The following OPRL1 variants were observed in gnomAD, a reference collection of about 807,000 sequenced individuals.
The protein encoded by OPRL1 is nociceptin receptor.
OPRL1 carries 5 observed loss-of-function variants against 15.5 expected under a neutral mutation model. The ratio of observed to expected loss-of-function variants is 0.32; its 90% CI spans 0.17 to 0.68. OPRL1 has a LOEUF of 0.68. Ranked by LOEUF, OPRL1 falls within the 30% of genes least tolerant of loss-of-function variation. The pLI is 0.72. For synonymous variants in OPRL1, 223 were observed against 230.2 expected (o/e 0.97, Z 0.28); for missense variants, 406 against 515.3 (o/e 0.79, Z 2.05).
intron 1 of OPRL1, among the ~76,000 whole-genome samples, chr20:64,087,139 CTT>C (rs1223845509): frequency 6.6e-6 from 1 of 151,024 alleles, no homozygotes. Context: ...TCGTTCGTGT[CTT>C]GGGCTATCCC....
rs530159477 is a variant in OPRL1 at position 64,098,299 on chromosome 20, C to G, written c.613C>G (p.Pro205Ala). Residue 205 changes from proline (P) to alanine (A), a missense_variant, in exon 5 of 5, where the codon CCT becomes GCT. Pro to Ala is a conservative substitution (Grantham distance 27). Transcript: ENST00000336866. ...DEEIECLVEI[P>A]TPQDYWGPVF... ...AGAGATCGAGTGCCTGGTGGAGATC[C>G]CTACCCCTCAGGATTACTGGGGCCC... 1 of 1,613,792 alleles carries G rather than the reference C, an allele frequency of 6.2e-7. No homozygotes were observed. The highest frequency in any genetic ancestry group is 1.7e-5 in the Admixed American group (1 of 60,004).
At position 64,098,876 on chromosome 20, in the gene OPRL1, C is replaced by T; in HGVS notation, c.*77C>T. 1 of 1,494,656 alleles carries T rather than the reference C, an allele frequency of 6.7e-7. No individual in the cohort carries two copies. The highest frequency in any genetic ancestry group is 2.1e-5 in the Admixed American group (1 of 46,944). The allele number at this position is 1,494,656 out of a possible 1,614,324, so 92.6% of individuals were successfully genotyped here. ...CCCAACACAGAGCTCACACAGGTCACTGCTCTCTAGGCGGACACACCCTGG... is the reference window on the plus strand; with the variant it reads ...CCCAACACAGAGCTCACACAGGTCATTGCTCTCTAGGCGGACACACCCTGG... On this transcript the variant is annotated 3_prime_UTR_variant, in exon 5 of 5. Coordinates refer to ENST00000336866, the MANE Select transcript of OPRL1 (RefSeq NM_182647.4).
chr20:64,098,587 C>T lies in OPRL1; in HGVS notation c.901C>T (p.Leu301=). The T allele has an allele frequency of 6.2e-7, 1 of 1,612,872 alleles. No individual in the cohort carries two copies. The highest frequency in any genetic ancestry group is 2.2e-5 in the East Asian group (1 of 44,880). ...GAGCAGCGAGACTGCCGTGGCCATT[C>T]TGCGCTTCTGCACGGCCCTGGGCTA... is the stretch of plus-strand genomic sequence containing the variant. The part of the protein sequence containing the change: ...QPSSETAVAI[L]RFCTALGYVN... The change falls in exon 5 of 5, where the codon CTG becomes TTG. Residue 301 remains leucine, a synonymous_variant. Transcript: ENST00000336866.
rs1307705954 is a variant in OPRL1, at chr20:64,097,651, G to A, written c.234-151G>A. The A allele has an allele frequency of 8.5e-6, 6 of 703,390 alleles. No individual in the cohort carries two copies. Among genetic ancestry groups the A allele is most frequent in the Admixed American group, 7.5e-5 (3 of 40,070 alleles). 43.6% of individuals were successfully genotyped at this position (703,390 alleles called of 1,614,324 possible). On this transcript the variant is annotated intron_variant, in intron 3 of 4. Transcript: ENST00000336866. The surrounding 1 kb of genome is among the most constrained non-coding windows in gnomAD (Gnocchi z 4.2). ...CATGAGTCTCAGGTTGGGTCCAGGA[G>A]CTATCACTTACCAAGCCCCCATGGG...
At chr20:64,088,653 G>A (rs111663135) in intron 1 of OPRL1, among the ~76,000 whole-genome samples, 1 of 140,396 alleles carries the variant, frequency 7.1e-6, no homozygotes, top group African/African-American at 2.6e-5. Flanking sequence ...GATCTGTGCA[G>A]GGAGGCCAGG....
Position 64,099,173 on chromosome 20 carries a change from T to C in OPRL1, c.*374T>C. ...GACTCTTGGCCTCTCTGCTGCTGCG[T>C]TGGCAGAACCCTGGGTGGGCAGGCA... On this transcript the variant is annotated 3_prime_UTR_variant, in exon 5 of 5. Coordinates refer to ENST00000336866, the MANE Select transcript of OPRL1 (RefSeq NM_182647.4). 1 of 288,304 alleles carries C rather than the reference T, an allele frequency of 3.5e-6. No homozygotes were observed. Among genetic ancestry groups the C allele is most frequent in the Non-Finnish European group, 6.5e-6 (1 of 153,602 alleles). 17.9% of individuals were successfully genotyped at this position (288,304 alleles called of 1,614,324 possible).
chr20:64,098,465 G>A lies in OPRL1; in HGVS notation c.779G>A (p.Arg260His), dbSNP rs763764829. 53 of 1,613,214 alleles carry A rather than the reference G, an allele frequency of 3.3e-5. No individual in the cohort carries two copies. Among genetic ancestry groups the A allele is most frequent in the Admixed American group, 5.0e-5 (3 of 60,012 alleles). ...GSREKDRNLR[R>H]ITRLVLVVVA... is the part of the protein sequence containing the mutation. ...CGAGAGAAGGACCGGAACCTGCGGC[G>A]CATCACTCGGCTGGTGCTGGTGGTA... The change falls in exon 5 of 5, where the codon CGC (arginine) becomes CAC (histidine). Residue 260 changes from arginine to histidine, a missense_variant. Physicochemically the swap from Arg to His is conservative, Grantham distance 29. Transcript: ENST00000336866.
At chr20:64,080,865 C>A (rs974815392) in intron 1 of OPRL1, among the ~76,000 whole-genome samples, 2 of 152,210 alleles carry the variant, frequency 1.3e-5, no homozygotes, top group African/African-American at 4.8e-5. Flanking sequence ...TCCAGTTGCA[C>A]AGGTCAGGTG....
chr20:64,085,513 C>G (rs1307775633), intron 1 of OPRL1, among the ~76,000 whole-genome samples: 3 of 152,194 alleles, frequency 2.0e-5, no homozygotes, highest in Admixed American at 6.5e-5. Flanking sequence ...TGTTTTGTAA[C>G]TAATTCTCAA....
Position 64,093,067 on chromosome 20 carries a change from C to T in OPRL1, c.233+114C>T. The stretch of plus-strand genomic sequence containing the variant: ...AGCAGGTGTTGATTTCCTGCTTCCC[C>T]CATTCAATGTTTTTGACCCTGTCCA... On this transcript the variant is annotated intron_variant, in intron 3 of 4. Transcript: ENST00000336866. 3.2e-6 allele frequency: 3 copies of T among 930,810 alleles called. No individual in the cohort carries two copies. In the South Asian group the frequency reaches 5.0e-5, roughly 15 times the overall value. The allele number at this position is 930,810 out of a possible 1,614,324, so 57.7% of individuals were successfully genotyped here. A position where few individuals can be genotyped will look rare whatever the true frequency, so the allele number is the denominator to read the frequency against.
At chr20:64,082,611 T>C (rs1601623231) in intron 1 of OPRL1, among the ~76,000 whole-genome samples, 1 of 151,998 alleles carries the variant, frequency 6.6e-6, no homozygotes, top group Non-Finnish European at 1.5e-5. Flanking sequence ...GGCAGGGGGC[T>C]GGGAGGGAGG....
rs1483707365 is a variant in OPRL1, at chr20:64,080,157, C to G, written c.-380C>G. 1 of 152,210 alleles carries G rather than the reference C, an allele frequency of 6.6e-6. No homozygotes were observed. The highest frequency in any genetic ancestry group is 6.5e-5 in the Admixed American group (1 of 15,270). 9.4% of individuals were successfully genotyped at this position (152,210 alleles called of 1,614,324 possible). On this transcript the variant is annotated 5_prime_UTR_variant, in exon 1 of 5. Transcript: ENST00000336866. ...AGAGTCGAGGTGCTCATAGTGGAGC[C>G]CTGGCTCCCGGGCGGACGGAGCCGC...
intron 3 of OPRL1, among the ~76,000 whole-genome samples, 189 bp downstream of exon 3, chr20:64,093,142 G>A (rs1978398743): frequency 6.6e-6 from 1 of 151,516 alleles, no homozygotes; most frequent in Non-Finnish European, 1.5e-5. Context: ...CACAGGGAGG[G>A]GAGGGGAGGG....
chr20:64,086,036 T>C (rs1402010053), intron 1 of OPRL1, among the ~76,000 whole-genome samples: 1 of 152,200 alleles, frequency 6.6e-6, no homozygotes, highest in Non-Finnish European at 1.5e-5. Flanking sequence ...CCAGCTTGGC[T>C]TGAGGAAGGT....
chr20:64,092,820 C>T lies in OPRL1; in HGVS notation c.100C>T (p.Pro34Ser). The change falls in exon 3 of 5, where the codon CCG becomes TCG. Residue 34 changes from proline (P) to serine (S), a missense_variant. Coordinates refer to ENST00000336866, the MANE Select transcript of OPRL1 (RefSeq NM_182647.4). ...LLSPNHSLLP[P>S]HLLLNASHGA... ...GAGCCCCAACCACAGTCTGCTGCCC[C>T]CGCATCTGCTGCTCAATGCCAGCCA... 6.2e-7 allele frequency: 1 copy of T among 1,612,784 alleles called. No individual in the cohort carries two copies. The highest frequency in any genetic ancestry group is 1.1e-5 in the South Asian group (1 of 91,090).
chr20:64,090,086 C>G lies in OPRL1; in HGVS notation c.-184-1880C>G, dbSNP rs1168263263. Among the ~76,000 whole-genome samples the G allele has an allele frequency of 6.6e-6, 1 of 152,184 alleles. No homozygotes were observed. Among genetic ancestry groups the G allele is most frequent in the African/African-American group, 2.4e-5 (1 of 41,442 alleles). On this transcript the variant is annotated intron_variant, in intron 1 of 4. Transcript: ENST00000336866. This position sits in a 1 kb window ranked among gnomAD's most constrained non-coding sequence, Gnocchi z 4.9. Reference sequence around the variant, plus strand: ...CTGCCTGTTCCCAAAGGTGTCCATGCACACTCTAGGTCTACCCATGTGCCT... The same window carrying G: ...CTGCCTGTTCCCAAAGGTGTCCATGGACACTCTAGGTCTACCCATGTGCCT...
Position 64,083,866 on chromosome 20 carries a change from C to CGG in OPRL1, c.-185+3514_-185+3515insGG. On this transcript the variant is annotated intron_variant, in intron 1 of 4. Transcript: ENST00000336866. This position sits in a 1 kb window ranked among gnomAD's most constrained non-coding sequence, Gnocchi z 4.9. Reference sequence around the variant, plus strand: ...GCAGGGCGCGGACTCGCCCGCGGGCCTCCGCTGCCTTGAGGACGCCGAGGA... The same window carrying CGG: ...GCAGGGCGCGGACTCGCCCGCGGGCCGGTCCGCTGCCTTGAGGACGCCGAGGA... 7.0e-7 allele frequency: 1 copy of CGG among 1,421,170 alleles called. No homozygotes were observed. 88.0% of individuals were successfully genotyped at this position (1,421,170 alleles called of 1,614,324 possible). A position where few individuals can be genotyped will look rare whatever the true frequency, so the allele number is the denominator to read the frequency against.
intron 1 of OPRL1, among the ~76,000 whole-genome samples, chr20:64,082,538 G>A (rs905219853): frequency 6.6e-6 from 1 of 152,168 alleles, no homozygotes; most frequent in Non-Finnish European, 1.5e-5. Flanking sequence ...GTCAGCTGGA[G>A]CCCCCTAGCA....
chr20:64,082,609 G>A (rs533931251), intron 1 of OPRL1, among the ~76,000 whole-genome samples: 3 of 152,328 alleles, frequency 2.0e-5, no homozygotes, highest in African/African-American at 7.2e-5. Context: ...TGGGCAGGGG[G>A]CTGGGAGGGA....
Sources: allele counts gnomAD v4.1 joint callset (sites outside exome capture counted in the v4.1 genomes callset), GRCh38; gene constraint gnomAD v4.1.1; non-coding constraint Gnocchi (gnomAD v3.1); transcripts MANE v1.5; gene names NCBI Gene and HGNC (gene_info 2026-07-23, HGNC 2026-07-21).